Variants in RIMS1 observed in about 807,000 individuals in gnomAD.
The protein encoded by RIMS1 is regulating synaptic membrane exocytosis protein 1.
In RIMS1, 83 loss-of-function variants were observed where a neutral mutation model predicts 214.1. The ratio of observed to expected loss-of-function variants is 0.39; its 90% confidence interval spans 0.32 to 0.47. The LOEUF (loss-of-function observed/expected upper bound fraction) is 0.47, where lower values mean the gene tolerates loss of function less well. Among genes scored for constraint, RIMS1 ranks in the 20% least tolerant of loss-of-function variants. The pLI, the probability that RIMS1 is intolerant of heterozygous loss-of-function variation, is 0.99. For missense variants in RIMS1, 2,050 were observed against 2,161.8 expected (o/e 0.95, Z 1.03); for synonymous variants, 793 against 786.8 (o/e 1.01, Z -0.13).
chr6:71,915,077 G>A (rs1345211471), intron 1 of RIMS1, among the ~76,000 whole-genome samples: 8 of 151,972 alleles, frequency 5.3e-5, no homozygotes, highest in Admixed American at 6.6e-5. Context: ...TCCACATGGC[G>A]AAAGTATCCC....
intron 2 of RIMS1, among the ~76,000 whole-genome samples, chr6:71,995,230 T>G (rs1256807477): frequency 6.6e-6 from 1 of 152,198 alleles, no homozygotes; most frequent in African/African-American, 2.4e-5. Context: ...TGAAATGCAC[T>G]GTTCAAAACT....
At chr6:72,173,151 G>A (rs943149676) in intron 4 of RIMS1, among the ~76,000 whole-genome samples, 5 of 152,114 alleles carry the variant, frequency 3.3e-5, no homozygotes, top group Non-Finnish European at 7.4e-5. Context: ...ACTATTGATA[G>A]TATTTCTCCC....
chr6:72,010,167 T>G (rs1031468486), intron 2 of RIMS1, among the ~76,000 whole-genome samples: 1 of 152,150 alleles, frequency 6.6e-6, no homozygotes, highest in East Asian at 1.9e-4. Context: ...ATGCAAGGCT[T>G]GTTCAACATA....
intron 28 of RIMS1, 53 bp downstream of exon 28, chr6:72,313,725 A>G: frequency 1.3e-6 from 2 of 1,503,694 alleles, no homozygotes; most frequent in Non-Finnish European, 1.8e-6. Context: ...TGATATAAAA[A>G]TACAACTAGC....
At position 72,242,446 on chromosome 6, in the gene RIMS1, A is replaced by C; in HGVS notation, c.2081+9A>C. The C allele has an allele frequency of 6.5e-7, 1 of 1,528,158 alleles. No individual in the cohort carries two copies. Among genetic ancestry groups the C allele is most frequent in the Non-Finnish European group, 8.8e-7 (1 of 1,135,878 alleles). The allele number at this position is 1,528,158 out of a possible 1,614,324, so 94.7% of individuals were successfully genotyped here. ...GTTTCAAGGCCTATTGGGTAAGGCTAAAAAAACTTACTTCTTAAGTTTAGT... is the reference window on the plus strand; with the variant it reads ...GTTTCAAGGCCTATTGGGTAAGGCTCAAAAAACTTACTTCTTAAGTTTAGT... On this transcript the variant is annotated intron_variant, in intron 10 of 33. Transcript: ENST00000521978.
At chr6:72,079,832 T>A (rs1345545615) in intron 2 of RIMS1, among the ~76,000 whole-genome samples, 1 of 151,784 alleles carries the variant, frequency 6.6e-6, no homozygotes, top group Non-Finnish European at 1.5e-5. Flanking sequence ...TACAGTGAGC[T>A]GTGATTGTGT....
At chr6:72,282,414 T>G (rs2090568552) in intron 23 of RIMS1, among the ~76,000 whole-genome samples, 1 of 151,934 alleles carries the variant, frequency 6.6e-6, no homozygotes, top group African/African-American at 2.4e-5. Context: ...TGATCCCCTC[T>G]CCTGACCACA....
At chr6:72,200,946 G>C (rs2051878700) in intron 6 of RIMS1, among the ~76,000 whole-genome samples, 1 of 150,670 alleles carries the variant, frequency 6.6e-6, no homozygotes. Flanking sequence ...TATGCATTAA[G>C]AAAAATTTGG....
chr6:72,087,854 G>A (rs1835069731), intron 2 of RIMS1, among the ~76,000 whole-genome samples: 1 of 152,084 alleles, frequency 6.6e-6, no homozygotes, highest in Non-Finnish European at 1.5e-5. Flanking sequence ...GCTGATCTGG[G>A]TGCAATGGTT....
intron 30 of RIMS1, among the ~76,000 whole-genome samples, chr6:72,392,293 C>T (rs754519296): frequency 1.3e-5 from 2 of 152,162 alleles, no homozygotes; most frequent in Non-Finnish European, 2.9e-5. Context: ...TATGTTATAA[C>T]ATTTATTCAA....
chr6:72,057,839 A>G (rs1826753766), intron 2 of RIMS1, among the ~76,000 whole-genome samples: 1 of 152,168 alleles, frequency 6.6e-6, no homozygotes, highest in Non-Finnish European at 1.5e-5. Context: ...AAAATATCCC[A>G]ACAGAAACTG....
intron 4 of RIMS1, among the ~76,000 whole-genome samples, chr6:72,161,125 G>T (rs1209809841): frequency 7.1e-6 from 1 of 140,320 alleles, no homozygotes; most frequent in African/African-American, 2.5e-5. Flanking sequence ...GAGGGTGTAT[G>T]TGTCAAGGAA....
At chr6:72,080,838 C>T (rs1445682757) in intron 2 of RIMS1, among the ~76,000 whole-genome samples, 1 of 152,172 alleles carries the variant, frequency 6.6e-6, no homozygotes. Context: ...CTCTAACTAC[C>T]TTACTTACAC....
chr6:72,118,232 A>G (rs889788751), intron 4 of RIMS1, among the ~76,000 whole-genome samples: 8 of 151,618 alleles, frequency 5.3e-5, no homozygotes, highest in Non-Finnish European at 8.9e-5. Context: ...AGGAAGATAT[A>G]GAAACCCAGA....
At chr6:72,300,278 A>T (rs2094486951) in intron 26 of RIMS1, among the ~76,000 whole-genome samples, 1 of 151,798 alleles carries the variant, frequency 6.6e-6, no homozygotes, top group Admixed American at 6.6e-5. Context: ...ACACATGTTA[A>T]CCAAGACACA....
At chr6:71,945,906 C>A (rs1043725866) in intron 1 of RIMS1, among the ~76,000 whole-genome samples, 5 of 151,982 alleles carry the variant, frequency 3.3e-5, no homozygotes, top group African/African-American at 1.2e-4. Flanking sequence ...CCTGCCACTA[C>A]GCTCAGCTAA....
intron 2 of RIMS1, among the ~76,000 whole-genome samples, chr6:72,081,711 A>G (rs538861369): frequency 6.6e-6 from 1 of 152,250 alleles, no homozygotes; most frequent in African/African-American, 2.4e-5. Flanking sequence ...ATACATCTGC[A>G]TTTGTATAAA....
chr6:72,238,283 A>C (rs1382201623), intron 9 of RIMS1, among the ~76,000 whole-genome samples: 1 of 152,140 alleles, frequency 6.6e-6, no homozygotes, highest in Middle Eastern at 3.4e-3. Context: ...AAAAAATCTT[A>C]TATCACTATT....
At chr6:72,114,844 A>C (rs756085678) in intron 4 of RIMS1, among the ~76,000 whole-genome samples, 24 of 151,880 alleles carry the variant, frequency 1.6e-4, no homozygotes, top group Non-Finnish European at 2.9e-4. Flanking sequence ...TATCAAACCT[A>C]TGATCTCTGG....
Sources: gnomAD v4.1 joint callset for allele counts (sites outside exome capture counted in the v4.1 genomes callset) on GRCh38, gnomAD v4.1.1 for gene constraint, MANE v1.5 for transcripts, NCBI Gene and HGNC (gene_info 2026-07-23, HGNC 2026-07-21) for gene names.